The following KAZN variants were observed in gnomAD, a reference collection of about 807,000 sequenced individuals.
The protein encoded by KAZN is kazrin, periplakin interacting protein.
KAZN carries 40 observed loss-of-function variants against 87.4 expected under a neutral mutation model. The observed-to-expected ratio is 0.46, with a 90% CI of 0.36 to 0.60. The LOEUF is 0.60. KAZN is among the 20% of genes least tolerant of loss of function. The probability of loss-of-function intolerance (pLI) is 0.00; values close to 1 mark genes in which losing one functional copy is unlikely to be tolerated. For missense variants in KAZN, 898 were observed against 1,073.9 expected (o/e 0.84, Z 2.29); for synonymous variants, 466 against 458.3 (o/e 1.02, Z -0.22).
At chr1:14,618,044 C>CT (rs1180220365) in intron 1 of KAZN, among the ~76,000 whole-genome samples, 1 of 152,068 alleles carries the variant, frequency 6.6e-6, no homozygotes, top group South Asian at 2.1e-4. Flanking sequence ...TTTCTGGATT[C>CT]TTTTTTTTCT....
chr1:14,610,010 G>A (rs1677689981), intron 1 of KAZN, among the ~76,000 whole-genome samples: 1 of 152,250 alleles, frequency 6.6e-6, no homozygotes, highest in South Asian at 2.1e-4. Flanking sequence ...ACTGCATCTT[G>A]TAAGGCCTGG....
intron 2 of KAZN, among the ~76,000 whole-genome samples, chr1:14,215,306 G>A (rs1222379353): frequency 6.6e-6 from 1 of 152,174 alleles, no homozygotes; most frequent in Non-Finnish European, 1.5e-5. Context: ...GGCTGTGTCA[G>A]GAGAGTCCCC....
At chr1:14,767,497 A>G (rs563941554) in intron 1 of KAZN, among the ~76,000 whole-genome samples, 70 of 152,326 alleles carry the variant, frequency 4.6e-4, no homozygotes, top group African/African-American at 1.6e-3. Flanking sequence ...GCTGATAGGC[A>G]AAGTCTGAAG....
At chr1:15,086,052 C>A (rs1573276832) in intron 8 of KAZN, among the ~76,000 whole-genome samples, 1 of 152,084 alleles carries the variant, frequency 6.6e-6, no homozygotes, top group Non-Finnish European at 1.5e-5. Flanking sequence ...CTCACTGCAA[C>A]CTCTGCCTCC....
intron 2 of KAZN, among the ~76,000 whole-genome samples, chr1:14,567,176 G>A (rs1674592931): frequency 6.6e-6 from 1 of 152,126 alleles, no homozygotes. Context: ...AGAGGTCATT[G>A]TAGGGTTATT....
At position 15,063,590 on chromosome 1, in the gene KAZN, G is replaced by A. The variant is rs1426078211; in HGVS notation, c.1066G>A (p.Val356Ile). Residue 356 changes from valine (V) to isoleucine (I), a missense_variant, in exon 7 of 15, where the codon GTT becomes ATT. Transcript: ENST00000376030. ...SLCNGDSPGP[V>I]QKNLHNPIVQ... The stretch of plus-strand genomic sequence containing the variant: ...GCTACAGGGCGACAGTCCCGGCCCA[G>A]TTCAGAAGAACCTGCACAACCCTAT... 3 of 1,614,040 alleles carry A rather than the reference G, an allele frequency of 1.9e-6. No homozygotes were observed. Among genetic ancestry groups the A allele is most frequent in the Admixed American group, 1.7e-5 (1 of 60,016 alleles).
In KAZN at chr1:13,991,655, G is replaced by T. The variant is rs550245857; in HGVS notation, c.91+97899G>T. ...TAAAAACCATTATGTTTAACTACTGGCTCACAAAATTCTGGAACAAGTAAT... is the reference window on the plus strand; with the variant it reads ...TAAAAACCATTATGTTTAACTACTGTCTCACAAAATTCTGGAACAAGTAAT... On this transcript the variant is annotated intron_variant, in intron 1 of 16. Coordinates refer to the KAZN transcript ENST00000636203. 5.9e-5 allele frequency among the ~76,000 whole-genome samples: 9 copies of T among 152,020 alleles called. No individual in the cohort carries two copies. The East Asian group carries it at 1.5e-3, about 26-fold the overall frequency.
chr1:14,273,100 T>C (rs1214072998), intron 2 of KAZN, among the ~76,000 whole-genome samples: 1 of 152,148 alleles, frequency 6.6e-6, no homozygotes, highest in Non-Finnish European at 1.5e-5. Flanking sequence ...CGGATCAGAC[T>C]AAGTCTGGCA....
chr1:14,450,553 G>T (rs977981324), intron 2 of KAZN, among the ~76,000 whole-genome samples: 3 of 152,156 alleles, frequency 2.0e-5, no homozygotes, highest in Non-Finnish European at 4.4e-5. Flanking sequence ...TCATGCCATT[G>T]CACTCCAGCC....
chr1:14,591,712 A>G lies in KAZN; in HGVS notation c.250-7271A>G, dbSNP rs184835165. Among the ~76,000 whole-genome samples the G allele has an allele frequency of 3.3e-3, 506 of 152,292 alleles. 3 individuals carry two copies. The highest frequency in any genetic ancestry group is 0.012 in the African/African-American group (492 of 41,554). ...CGACTTTCCCAGCTTTAGATGAGAG[A>G]TTGCTTGGGAAGACAGGAGGAGCTT... On this transcript the variant is annotated intron_variant, in intron 2 of 16. Coordinates refer to the KAZN transcript ENST00000636203.
intron 1 of KAZN, among the ~76,000 whole-genome samples, chr1:14,036,104 G>A (rs898651093): frequency 2.6e-5 from 4 of 152,208 alleles, no homozygotes; most frequent in African/African-American, 9.7e-5. Flanking sequence ...ATCCCTGGCA[G>A]GGGGAACAGC....
At chr1:14,913,712 T>C (rs148246299) in intron 1 of KAZN, among the ~76,000 whole-genome samples, 1 of 152,356 alleles carries the variant, frequency 6.6e-6, no homozygotes, top group Non-Finnish European at 1.5e-5. Flanking sequence ...AACCTGCCTG[T>C]GCAGGGGTGG....
intron 10 of KAZN, among the ~76,000 whole-genome samples, chr1:15,101,004 G>A (rs372239412): frequency 2.6e-5 from 4 of 152,286 alleles, no homozygotes; most frequent in South Asian, 4.2e-4. Context: ...TAGGTGGAGG[G>A]GCGGGGTCCC....
intron 1 of KAZN, among the ~76,000 whole-genome samples, chr1:14,616,468 T>C (rs1678249199): frequency 6.6e-6 from 1 of 150,698 alleles, no homozygotes; most frequent in African/African-American, 2.4e-5. Flanking sequence ...AAGAGGGTGA[T>C]TTAGAAAAAA....
intron 2 of KAZN, among the ~76,000 whole-genome samples, chr1:15,031,115 A>G (rs925045384): frequency 4.6e-5 from 7 of 152,238 alleles, no homozygotes; most frequent in Non-Finnish European, 1.0e-4. Context: ...TTGCCATCCC[A>G]TATTCTGCCC....
At chr1:14,210,417 C>T (rs1646830633) in intron 2 of KAZN, among the ~76,000 whole-genome samples, 1 of 152,204 alleles carries the variant, frequency 6.6e-6, no homozygotes, top group African/African-American at 2.4e-5. Context: ...TCTTTATTAG[C>T]AGTGTGAGAA....
rs151327355 is a variant in KAZN at position 13,989,020 on chromosome 1, CA to C, written c.91+95266del. On this transcript the variant is annotated intron_variant, in intron 1 of 16. Transcript: ENST00000636203. ...TTACAGAGGCTAAGAAGTCCAAGAT[CA>C]AGGGTCTGGCATTTGATGAGGGCCT... 8.1e-3 allele frequency among the ~76,000 whole-genome samples: 1,234 copies of C among 152,140 alleles called. 87 individuals are homozygous for C. In the East Asian group the frequency reaches 0.14, roughly 18 times the overall value.
chr1:14,913,523 G>C (rs1196120189), intron 1 of KAZN, among the ~76,000 whole-genome samples: 2 of 152,154 alleles, frequency 1.3e-5, no homozygotes, highest in Non-Finnish European at 2.9e-5. Context: ...TGGGACTAGG[G>C]GCCATTACAG....
intron 2 of KAZN, among the ~76,000 whole-genome samples, chr1:15,032,180 CTTTTTTTTTTTTTCTT>C (rs1336025193): frequency 4.8e-5 from 4 of 82,698 alleles, no homozygotes; most frequent in African/African-American, 1.4e-4. Context: ...GTGGACATTT[CTTTTTTTTTTTTTCTT>C]TTTTTTTTTT....
Sources: gnomAD v4.1 joint callset for allele counts (sites outside exome capture counted in the v4.1 genomes callset) on GRCh38, gnomAD v4.1.1 for gene constraint, MANE v1.5 for transcripts, NCBI Gene and HGNC (gene_info 2026-07-23, HGNC 2026-07-21) for gene names.